Variants in LYPD5 observed in about 807,000 individuals in gnomAD.
The protein encoded by LYPD5 is LY6/PLAUR domain containing 5, also known as ly6/PLAUR domain-containing protein 5.
Under a neutral mutation model 19.1 loss-of-function variants are expected in LYPD5, and 21 were observed. The ratio of observed to expected loss-of-function variants is 1.10; its 90% CI spans 0.78 to 1.58. The LOEUF is 1.58. LYPD5 is among the 40% of genes most tolerant of loss of function. The pLI, the probability that LYPD5 is intolerant of heterozygous loss-of-function variation, is 0.00. For synonymous variants in LYPD5, 128 were observed against 142.7 expected (o/e 0.90, Z 0.74); for missense variants, 287 against 329.8 (o/e 0.87, Z 1.00).
chr19:43,812,093 C>G (rs1413363318), intron 1 of LYPD5, among the ~76,000 whole-genome samples: 2 of 152,136 alleles, frequency 1.3e-5, no homozygotes, highest in African/African-American at 2.4e-5. Context: ...TCAGGCAGGC[C>G]TCAGTTCTCC....
chr19:43,798,804 C>T lies in LYPD5; in HGVS notation c.370+8G>A, dbSNP rs1970175179. The T allele has an allele frequency of 6.2e-7, 1 of 1,604,956 alleles. No individual in the cohort carries two copies. The highest frequency in any genetic ancestry group is 1.7e-5 in the Admixed American group (1 of 58,400). On this transcript the variant is annotated splice_region_variant and intron_variant, in intron 3 of 4. Transcript: ENST00000377950. ...CCTCCCGGAGCCCAGCCCCGCTCTC[C>T]CGCGCACCTTGGCTCAGGTTGGGGA...
rs759079982 is a variant in LYPD5, at chr19:43,798,554, C to CGATACA, written c.412_417dup (p.Cys138_Ile139dup). Reference sequence around the variant, plus strand: ...ATAGCGCAGTCATCCTGGTGGACCCCGATACAGGCGTAGCACTCGGCGCCG... The same window carrying CGATACA: ...ATAGCGCAGTCATCCTGGTGGACCCCGATACAGATACAGGCGTAGCACTCGGCGCCG... On this transcript the variant is annotated inframe_insertion, in exon 4 of 5. Transcript: ENST00000377950. 8 of 1,611,704 alleles carry CGATACA rather than the reference C, an allele frequency of 5.0e-6. No homozygotes were observed. In the South Asian group the frequency reaches 8.8e-5, roughly 18 times the overall value.
intron 1 of LYPD5, among the ~76,000 whole-genome samples, chr19:43,810,385 G>A (rs1201626141): frequency 2.0e-5 from 3 of 151,906 alleles, no homozygotes; most frequent in Non-Finnish European, 4.4e-5. Context: ...TACCCAGGCT[G>A]GAGTGCGCTG....
At chr19:43,798,783 C>T in intron 3 of LYPD5, 29 bp downstream of exon 3, 5 of 1,589,480 alleles carry the variant, frequency 3.1e-6, no homozygotes, top group Non-Finnish European at 4.3e-6. Context: ...ATCGTCCCTC[C>T]CGGAGCCCAG....
At chr19:43,798,324 G>A in intron 4 of LYPD5, 131 bp downstream of exon 4, 1 of 1,197,642 alleles carries the variant, frequency 8.3e-7, no homozygotes, top group Non-Finnish European at 1.2e-6. Context: ...TTCTCCCTCA[G>A]ACCAGGGTCA....
At chr19:43,801,531 A>T (rs1970223548) in intron 1 of LYPD5, among the ~76,000 whole-genome samples, 1 of 152,222 alleles carries the variant, frequency 6.6e-6, no homozygotes, top group Non-Finnish European at 1.5e-5. Flanking sequence ...AAAACTGAGC[A>T]TATATACATA....
In LYPD5 at chr19:43,797,101, C is replaced by T. The variant is rs1970140490; in HGVS notation, c.*490G>A. 1 of 152,832 alleles carries T rather than the reference C, an allele frequency of 6.5e-6. No homozygotes were observed. Among genetic ancestry groups the T allele is most frequent in the African/African-American group, 2.4e-5 (1 of 41,316 alleles). 9.5% of individuals were successfully genotyped at this position (152,832 alleles called of 1,614,324 possible). A position where few individuals can be genotyped will look rare whatever the true frequency, so the allele number is the denominator to read the frequency against. ...GCTCCAGAGCCTGGCTTAAGTAACT[C>T]GCTCATGGTCTCTGCAGGCTGAATG... On this transcript the variant is annotated 3_prime_UTR_variant, in exon 5 of 5. Transcript: ENST00000377950.
chr19:43,797,849 T>G lies in LYPD5; in HGVS notation c.518-20A>C. On this transcript the variant is annotated intron_variant, in intron 4 of 4. Coordinates refer to ENST00000377950, the MANE Select transcript of LYPD5 (RefSeq NM_001031749.3). ...AATTGCCTGGAGGTGGGCAAAGCAG[T>G]GAGGAACGGTCAGAACTGAGGGAGA... The G allele has an allele frequency of 1.3e-6, 2 of 1,577,110 alleles. No individual in the cohort carries two copies. Among genetic ancestry groups the G allele is most frequent in the Non-Finnish European group, 1.7e-6 (2 of 1,147,910 alleles).
In LYPD5 at chr19:43,799,801, T is replaced by C; in HGVS notation, c.98A>G (p.His33Arg). The change falls in exon 2 of 5, where the codon CAC becomes CGC. Residue 33 changes from histidine to arginine, a missense_variant. Coordinates refer to ENST00000377950, the MANE Select transcript of LYPD5 (RefSeq NM_001031749.3). ...SQALQCYSFE[H>R]TYFGPFDLRA... ...GAGGTCAAAGGGGCCAAAGTAGGTG[T>C]GCTCAAAGCTGTAGCACTGCAGGGC... 6.2e-7 allele frequency: 1 copy of C among 1,613,564 alleles called. No individual in the cohort carries two copies. Among genetic ancestry groups the C allele is most frequent in the African/African-American group, 1.3e-5 (1 of 74,996 alleles).
upstream of LYPD5, among the ~76,000 whole-genome samples, chr19:43,805,693 A>T (rs1301098337): frequency 2.6e-5 from 4 of 152,040 alleles, no homozygotes; most frequent in East Asian, 7.7e-4. Context: ...TTTTTAGTAG[A>T]CACAGGGTTT....
In LYPD5 at chr19:43,796,630, C is replaced by T. The variant is rs1970133603; in HGVS notation, c.*961G>A. On this transcript the variant is annotated 3_prime_UTR_variant, in exon 5 of 5. Coordinates refer to ENST00000377950, the MANE Select transcript of LYPD5 (RefSeq NM_001031749.3). ...TGTTTTTCTGTGAAGTTAATCGGCACTCATGTGTTTAGGAGGTGGGGTTGC... is the reference window on the plus strand; with the variant it reads ...TGTTTTTCTGTGAAGTTAATCGGCATTCATGTGTTTAGGAGGTGGGGTTGC... 1 of 152,160 alleles carries T rather than the reference C, an allele frequency of 6.6e-6. No individual in the cohort carries two copies. The highest frequency in any genetic ancestry group is 1.5e-5 in the Non-Finnish European group (1 of 68,038). The allele number at this position is 152,160 out of a possible 1,614,324, so 9.4% of individuals were successfully genotyped here.
At chr19:43,800,618 C>T (rs963994467) in intron 1 of LYPD5, among the ~76,000 whole-genome samples, 11 of 151,962 alleles carry the variant, frequency 7.2e-5, no homozygotes, top group Admixed American at 1.3e-4. Context: ...CACAATTATG[C>T]GATGTTTAGA....
chr19:43,812,373 CTATCA>C (rs944870368), intron 1 of LYPD5, among the ~76,000 whole-genome samples: 3 of 120,356 alleles, frequency 2.5e-5, no homozygotes, highest in African/African-American at 8.7e-5. Context: ...ATCTATCTAT[CTATCA>C]ATCTATCATC....
At chr19:43,810,146 C>A (rs1461492291) in intron 1 of LYPD5, among the ~76,000 whole-genome samples, 1 of 152,142 alleles carries the variant, frequency 6.6e-6, no homozygotes, top group East Asian at 1.9e-4. Context: ...GTGCAGTGCC[C>A]AACATGAACA....
Position 43,797,413 on chromosome 19 carries a change from A to C in LYPD5, c.*178T>G. 1 of 601,530 alleles carries C rather than the reference A, an allele frequency of 1.7e-6. No individual in the cohort carries two copies. The highest frequency in any genetic ancestry group is 2.9e-6 in the Non-Finnish European group (1 of 344,358). The allele number at this position is 601,530 out of a possible 1,614,324, so 37.3% of individuals were successfully genotyped here. A position where few individuals can be genotyped will look rare whatever the true frequency, so the allele number is the denominator to read the frequency against. ...CCCGGGGATGCTGGTGACTGTGTCC[A>C]GTTTCTTCCAGTACTGTTGGCCAGG... is the stretch of plus-strand genomic sequence containing the variant. On this transcript the variant is annotated 3_prime_UTR_variant, in exon 5 of 5. Transcript: ENST00000377950.
upstream of LYPD5, among the ~76,000 whole-genome samples, chr19:43,803,854 T>C (rs536082774): frequency 1.2e-4 from 19 of 152,224 alleles, no homozygotes; most frequent in African/African-American, 4.3e-4. Flanking sequence ...CTTTTTCTTT[T>C]TGAGACGGCG....
chr19:43,814,210 G>C (rs912097243), intron 1 of LYPD5, among the ~76,000 whole-genome samples: 1 of 152,116 alleles, frequency 6.6e-6, no homozygotes, highest in South Asian at 2.1e-4. Flanking sequence ...TTAAGTGAAG[G>C]GGCCAGGTGT....
chr19:43,799,037 C>A, intron 2 of LYPD5, 49 bp from the exon 3 acceptor site: 3 of 1,508,170 alleles, frequency 2.0e-6, no homozygotes, highest in East Asian at 2.4e-5. Context: ...ACCCTTCTCC[C>A]TCCAGTCTCA....
At chr19:43,798,424 C>G in intron 4 of LYPD5, 31 bp downstream of exon 4, 2 of 1,601,276 alleles carry the variant, frequency 1.2e-6, no homozygotes, top group Non-Finnish European at 1.7e-6. Flanking sequence ...ATATCCCTTG[C>G]CCAGGCCCTT....
Sources: allele counts gnomAD v4.1 joint callset (sites outside exome capture counted in the v4.1 genomes callset), GRCh38; gene constraint gnomAD v4.1.1; transcripts MANE v1.5; gene names NCBI Gene and HGNC (gene_info 2026-07-23, HGNC 2026-07-21).